Variants in SHANK2 observed in about 807,000 individuals in gnomAD.
The protein encoded by SHANK2 is SH3 and multiple ankyrin repeat domains 2, also known as SH3 and multiple ankyrin repeat domains protein 2.
A neutral mutation model predicts 133.7 loss-of-function variants in SHANK2; 43 were observed. The ratio of observed to expected loss-of-function variants is 0.32; its 90% CI spans 0.25 to 0.41. SHANK2 has a LOEUF of 0.41. Ranked by LOEUF, SHANK2 falls within the 10% of genes least tolerant of loss-of-function variation. SHANK2 has a pLI of 1.00. For missense variants in SHANK2, 1,994 were observed against 2,235.8 expected (o/e 0.89, Z 2.18); for synonymous variants, 1,017 against 952.8 (o/e 1.07, Z -1.24).
At position 70,533,002 on chromosome 11, in the gene SHANK2, C is replaced by G. The variant is rs528575554; in HGVS notation, c.2062-30071G>C. ...CTGAATGAAAGAAGCCACGAAGCAC[C>G]CCACTTTGCATGATTGCATTTCTAT... On this transcript the variant is annotated intron_variant, in intron 17 of 25. Transcript: ENST00000601538. 5.9e-5 allele frequency among the ~76,000 whole-genome samples: 9 copies of G among 152,272 alleles called. No homozygotes were observed. In the East Asian group the frequency reaches 1.7e-3, roughly 29 times the overall value.
At chr11:71,218,999 C>T (rs555569663) in intron 2 of SHANK2, among the ~76,000 whole-genome samples, 6 of 152,314 alleles carry the variant, frequency 3.9e-5, no homozygotes, top group Admixed American at 6.5e-5. Context: ...ACACAGACAT[C>T]GCAGAAGAAT....
At chr11:71,066,719 C>T (rs1951067800) in intron 9 of SHANK2, among the ~76,000 whole-genome samples, 1 of 152,100 alleles carries the variant, frequency 6.6e-6, no homozygotes, top group African/African-American at 2.4e-5. Context: ...GCCTTTTGGG[C>T]AGCCATAAAT....
At chr11:71,114,305 G>A (rs1367934346) in intron 4 of SHANK2, among the ~76,000 whole-genome samples, 2 of 152,088 alleles carry the variant, frequency 1.3e-5, no homozygotes, top group South Asian at 2.1e-4. Flanking sequence ...CCTTGATGCC[G>A]TCACCCTGCA....
At chr11:70,696,794 C>T (rs933606341) in intron 15 of SHANK2, among the ~76,000 whole-genome samples, 1 of 152,190 alleles carries the variant, frequency 6.6e-6, no homozygotes, top group African/African-American at 2.4e-5. Flanking sequence ...TAAGTGCACA[C>T]ACATACTTGC....
At chr11:71,094,751 T>A (rs535629456) in intron 6 of SHANK2, 63 bp from the exon 7 acceptor site, 238 of 1,497,462 alleles carry the variant, frequency 1.6e-4, no homozygotes, top group Non-Finnish European at 1.4e-4. Flanking sequence ...CAAAGCCATA[T>A]TCAGATGCCC....
At chr11:70,895,578 G>A (rs1355357309) in intron 11 of SHANK2, 1 of 152,558 alleles carries the variant, frequency 6.6e-6, no homozygotes, top group Non-Finnish European at 1.5e-5. Flanking sequence ...CTAAAAAGGG[G>A]AATGGCCATC....
At chr11:71,186,118 G>A (rs890359721) in intron 2 of SHANK2, among the ~76,000 whole-genome samples, 2 of 152,206 alleles carry the variant, frequency 1.3e-5, no homozygotes, top group Admixed American at 6.5e-5. Flanking sequence ...AATTTCACTG[G>A]CTGCTGGGTC....
At chr11:70,906,901 G>A (rs1238915629) in intron 10 of SHANK2, among the ~76,000 whole-genome samples, 5 of 152,170 alleles carry the variant, frequency 3.3e-5, no homozygotes, top group African/African-American at 1.2e-4. Context: ...GGCAGTTGAG[G>A]CCTATGTCGT....
intron 10 of SHANK2, among the ~76,000 whole-genome samples, chr11:70,953,491 C>T (rs1439416638): frequency 4.6e-5 from 7 of 152,230 alleles, no homozygotes; most frequent in Admixed American, 3.3e-4. Flanking sequence ...CAAGAGTCCC[C>T]GGCAAGACAC....
At chr11:70,874,341 A>G (rs1313547350) in intron 11 of SHANK2, among the ~76,000 whole-genome samples, 1 of 152,082 alleles carries the variant, frequency 6.6e-6, no homozygotes, top group Non-Finnish European at 1.5e-5. Flanking sequence ...TCCATGATTT[A>G]TCTATCTATC....
intron 14 of SHANK2, among the ~76,000 whole-genome samples, chr11:70,733,366 A>C (rs1946330046): frequency 6.6e-6 from 1 of 152,212 alleles, no homozygotes; most frequent in Non-Finnish European, 1.5e-5. Context: ...AGAATGTCTC[A>C]TTCAATGCAC....
intron 1 of SHANK2, among the ~76,000 whole-genome samples, chr11:71,230,944 T>C (rs1379918227): frequency 6.6e-6 from 1 of 152,188 alleles, no homozygotes; most frequent in East Asian, 1.9e-4. Flanking sequence ...TGAACTTACA[T>C]GTAAAATACA....
At chr11:70,593,439 C>G (rs1194076829) in intron 17 of SHANK2, among the ~76,000 whole-genome samples, 1 of 152,132 alleles carries the variant, frequency 6.6e-6, no homozygotes, top group South Asian at 2.1e-4. Flanking sequence ...AGCTCTTACA[C>G]CAAAGTGGTC....
intron 11 of SHANK2, among the ~76,000 whole-genome samples, chr11:70,840,774 G>A (rs1555061465): frequency 1.3e-5 from 2 of 152,140 alleles, no homozygotes; most frequent in African/African-American, 4.8e-5. Flanking sequence ...TCTCCCTCCT[G>A]GGTGCCGAGG....
chr11:70,896,489 G>T lies in SHANK2; in HGVS notation c.1174+12C>A. 1 of 713,772 alleles carries T rather than the reference G, an allele frequency of 1.4e-6. No homozygotes were observed. The highest frequency in any genetic ancestry group is 1.5e-5 in the South Asian group (1 of 66,944). The allele number at this position is 713,772 out of a possible 1,614,324, so 44.2% of individuals were successfully genotyped here. On this transcript the variant is annotated intron_variant, in intron 11 of 25. Transcript: ENST00000601538. ...CCAAATCCCAACACAGTTTCTCCACGTGCCTACTCACCAATGTCTGTTTCC... is the reference window on the plus strand; with the variant it reads ...CCAAATCCCAACACAGTTTCTCCACTTGCCTACTCACCAATGTCTGTTTCC...
chr11:70,533,630 C>T (rs1554973629), intron 17 of SHANK2, among the ~76,000 whole-genome samples: 1 of 152,096 alleles, frequency 6.6e-6, no homozygotes, highest in Admixed American at 6.5e-5. Flanking sequence ...GGGGGACATG[C>T]ATATTTCTTT....
intron 17 of SHANK2, among the ~76,000 whole-genome samples, chr11:70,591,945 G>T (rs1279275219): frequency 1.3e-5 from 2 of 152,068 alleles, no homozygotes. Context: ...CTGAAACCGG[G>T]AGGCCGAGGT....
chr11:71,098,163 G>A (rs1020596752), intron 6 of SHANK2, among the ~76,000 whole-genome samples: 20 of 150,812 alleles, frequency 1.3e-4, no homozygotes, highest in Admixed American at 1.3e-4. Flanking sequence ...CTGTGTGCAT[G>A]TGCATGCCTG....
intron 10 of SHANK2, among the ~76,000 whole-genome samples, chr11:70,909,335 C>T (rs963463556): frequency 6.6e-6 from 1 of 152,156 alleles, no homozygotes; most frequent in African/African-American, 2.4e-5. Context: ...ACTCACGGCA[C>T]AGAATGAGGG....
Sources: allele counts gnomAD v4.1 joint callset (sites outside exome capture counted in the v4.1 genomes callset), GRCh38; gene constraint gnomAD v4.1.1; transcripts MANE v1.5; gene names NCBI Gene and HGNC (gene_info 2026-07-23, HGNC 2026-07-21).